FARS2: variants seen among roughly 807,000 people sequenced by gnomAD.
FARS2 encodes phenylalanine--tRNA ligase, mitochondrial.
A neutral mutation model predicts 46.4 loss-of-function variants in FARS2; 40 were observed. The ratio of observed to expected loss-of-function variants is 0.86; its 90% CI spans 0.67 to 1.12. The LOEUF is 1.12. FARS2 is among the 50% of genes most tolerant of loss of function. The probability of loss-of-function intolerance (pLI) is 0.00; values close to 1 mark genes in which losing one functional copy is unlikely to be tolerated. For synonymous variants in FARS2, 234 were observed against 214.9 expected (o/e 1.09, Z -0.78); for missense variants, 513 against 567.9 (o/e 0.90, Z 0.98).
intron 6 of FARS2, among the ~76,000 whole-genome samples, chr6:5,671,711 G>A (rs1734182633): frequency 6.6e-6 from 1 of 152,190 alleles, no homozygotes; most frequent in African/African-American, 2.4e-5. Context: ...TAAAGATGTT[G>A]CCACTGAAGA....
Position 5,305,900 on chromosome 6 carries a change from C to T in FARS2, c.-22+44240C>T, listed in dbSNP as rs947239644. 3.3e-5 allele frequency among the ~76,000 whole-genome samples: 5 copies of T among 152,276 alleles called. No individual in the cohort carries two copies. In the East Asian group the frequency reaches 9.6e-4, roughly 29 times the overall value. ...GGGGTATGAAGATTTATACTGAGTG[C>T]CAAGAGACAGTGCCGGATCAAAATT... On this transcript the variant is annotated intron_variant, in intron 1 of 6. Coordinates refer to ENST00000274680, the MANE Select transcript of FARS2 (RefSeq NM_006567.5).
At chr6:5,742,602 A>G (rs1761413592) in intron 6 of FARS2, among the ~76,000 whole-genome samples, 1 of 151,142 alleles carries the variant, frequency 6.6e-6, no homozygotes, top group African/African-American at 2.4e-5. Context: ...AGAGTTTTTC[A>G]TTTTGTTTTC....
intron 1 of FARS2, among the ~76,000 whole-genome samples, chr6:5,279,591 A>G (rs1002913384): frequency 1.3e-5 from 2 of 148,710 alleles, no homozygotes; most frequent in Admixed American, 6.7e-5. Context: ...TATATATTTT[A>G]TATATATATA....
intron 1 of FARS2, among the ~76,000 whole-genome samples, chr6:5,350,823 A>G (rs1466630890): frequency 6.6e-6 from 1 of 152,232 alleles, no homozygotes; most frequent in African/African-American, 2.4e-5. Context: ...TTTAATTACA[A>G]CTGCAGGTTA....
chr6:5,750,481 T>A (rs1049738331), intron 6 of FARS2, among the ~76,000 whole-genome samples: 7 of 152,092 alleles, frequency 4.6e-5, no homozygotes, highest in Admixed American at 1.3e-4. Flanking sequence ...AGGCAAGAGA[T>A]AAACAAGACG....
intron 5 of FARS2, among the ~76,000 whole-genome samples, chr6:5,570,703 A>G (rs1163856017): frequency 1.3e-5 from 2 of 152,228 alleles, no homozygotes; most frequent in South Asian, 2.1e-4. Context: ...GCCTCTGGGC[A>G]CAGAACCACA....
At chr6:5,604,116 C>T (rs956609719) in intron 5 of FARS2, among the ~76,000 whole-genome samples, 2 of 152,180 alleles carry the variant, frequency 1.3e-5, no homozygotes, top group Non-Finnish European at 2.9e-5. Context: ...ACCAGAGGAT[C>T]ACAAGACTTT....
chr6:5,650,698 C>G (rs147392652), intron 6 of FARS2, among the ~76,000 whole-genome samples: 3,933 of 152,194 alleles, frequency 0.026, 58 homozygotes, highest in Middle Eastern at 0.048. Flanking sequence ...AGGATGGTCT[C>G]GATCTCCTCA....
intron 6 of FARS2, among the ~76,000 whole-genome samples, chr6:5,616,071 C>T (rs1775466237): frequency 6.9e-6 from 1 of 145,660 alleles, no homozygotes; most frequent in Non-Finnish European, 1.5e-5. Context: ...CATGTTTTTG[C>T]TGGAGTTTTC....
chr6:5,566,343 C>G (rs551455417), intron 5 of FARS2, among the ~76,000 whole-genome samples: 22 of 152,190 alleles, frequency 1.4e-4, no homozygotes, highest in Non-Finnish European at 2.6e-4. Context: ...TATTACACAC[C>G]AAAACTCTCA....
intron 6 of FARS2, among the ~76,000 whole-genome samples, chr6:5,709,801 A>T (rs749272061): frequency 3.3e-5 from 5 of 151,918 alleles, no homozygotes; most frequent in Non-Finnish European, 7.4e-5. Context: ...AAGGAAAGAT[A>T]CTGAGCAGAG....
intron 1 of FARS2, among the ~76,000 whole-genome samples, chr6:5,334,331 A>G (rs1487205923): frequency 6.6e-6 from 1 of 152,190 alleles, no homozygotes; most frequent in African/African-American, 2.4e-5. Context: ...TATCTGTTAA[A>G]ATGTAAAACG....
chr6:5,705,903 A>G (rs1248268718), intron 6 of FARS2, among the ~76,000 whole-genome samples: 3 of 151,980 alleles, frequency 2.0e-5, no homozygotes, highest in Non-Finnish European at 4.4e-5. Flanking sequence ...CTGAACCTCA[A>G]TCTCACTTTG....
chr6:5,260,598 T>TGCCCCGGCCCCGGGCCCCCCCCCCCCCCC, upstream of FARS2: 3 of 1,105,568 alleles, frequency 2.7e-6, no homozygotes, highest in African/African-American at 1.7e-5. Flanking sequence ...GCACCCCCGG[T>TGCCCCGGCCCCGGGCCCCCCCCCCCCCCC]CCCCGGCCCC....
chr6:5,273,539 G>A (rs935223675), intron 1 of FARS2, among the ~76,000 whole-genome samples: 1 of 151,814 alleles, frequency 6.6e-6, no homozygotes, highest in Non-Finnish European at 1.5e-5. Flanking sequence ...AGTTGTTTGT[G>A]CTCATTATAT....
intron 5 of FARS2, among the ~76,000 whole-genome samples, chr6:5,562,486 G>GC (rs1335185829): frequency 6.6e-6 from 1 of 152,026 alleles, no homozygotes; most frequent in Non-Finnish European, 1.5e-5. Flanking sequence ...TTGAAATGAG[G>GC]CCCCAAGGAA....
At chr6:5,367,338 A>G (rs1758750891) in intron 1 of FARS2, among the ~76,000 whole-genome samples, 1 of 152,202 alleles carries the variant, frequency 6.6e-6, no homozygotes, top group African/African-American at 2.4e-5. Flanking sequence ...GAAGAATTCC[A>G]CATTTTAGAA....
rs142059301 is a variant in FARS2, at chr6:5,290,433, C to G, written c.-22+28773C>G. Reference sequence around the variant, plus strand: ...GAAAAGATCACAGCAATTTGGGTATCTGTTTTAAATTGACAACTTAAAATG... The same window carrying G: ...GAAAAGATCACAGCAATTTGGGTATGTGTTTTAAATTGACAACTTAAAATG... On this transcript the variant is annotated intron_variant, in intron 1 of 6. Coordinates refer to ENST00000274680, the MANE Select transcript of FARS2 (RefSeq NM_006567.5). Among the ~76,000 whole-genome samples the G allele has an allele frequency of 1.2e-4, 19 of 152,290 alleles. 1 individual carries two copies. The South Asian group carries it at 3.5e-3, about 28-fold the overall frequency.
chr6:5,698,392 G>A (rs570692405), intron 6 of FARS2, among the ~76,000 whole-genome samples: 2 of 152,238 alleles, frequency 1.3e-5, no homozygotes, highest in South Asian at 2.1e-4. Context: ...AACTCACTGC[G>A]CCATGACGGA....
Sources: allele counts gnomAD v4.1 joint callset (sites outside exome capture counted in the v4.1 genomes callset), GRCh38; gene constraint gnomAD v4.1.1; transcripts MANE v1.5; gene names NCBI Gene and HGNC (gene_info 2026-07-23, HGNC 2026-07-21).